FMNL3: variants seen among roughly 807,000 people sequenced by gnomAD.
FMNL3 encodes formin like 3, also known as formin-like protein 3.
In FMNL3, 57 loss-of-function variants were observed where a neutral mutation model predicts 119.6. The ratio of observed to expected loss-of-function variants is 0.48; its 90% CI spans 0.39 to 0.59. FMNL3 has a LOEUF of 0.59. FMNL3 is among the 20% of genes least tolerant of loss of function. FMNL3 has a pLI of 0.00. For missense variants in FMNL3, 1,053 were observed against 1,323.5 expected (o/e 0.80, Z 3.17); for synonymous variants, 491 against 507.3 (o/e 0.97, Z 0.43).
At chr12:49,646,567 A>G in intron 25 of FMNL3, 1 of 1,199,650 alleles carries the variant, frequency 8.3e-7, no homozygotes, top group Non-Finnish European at 1.1e-6. Context: ...GCAGGAAAGA[A>G]GGTGCCTGTG....
intron 1 of FMNL3, among the ~76,000 whole-genome samples, chr12:49,668,905 T>C (rs1943963632): frequency 6.6e-6 from 1 of 152,238 alleles, no homozygotes; most frequent in South Asian, 2.1e-4. Flanking sequence ...TATAAACAAA[T>C]ATGTCATATA....
rs541810928 is a variant in FMNL3 at position 49,638,477 on chromosome 12, C to T, written c.*7338G>A. ...GCCTTCTTGATACTGTCGCAAGTGTCAGCTGCCATTTACCATCACACATGG... is the reference window on the plus strand; with the variant it reads ...GCCTTCTTGATACTGTCGCAAGTGTTAGCTGCCATTTACCATCACACATGG... On this transcript the variant is annotated 3_prime_UTR_variant, in exon 26 of 26. Transcript: ENST00000335154. 2 of 152,346 alleles carry T rather than the reference C, an allele frequency of 1.3e-5. No homozygotes were observed. Among genetic ancestry groups the T allele is most frequent in the South Asian group, 2.1e-4 (1 of 4,832 alleles). 9.4% of individuals were successfully genotyped at this position (152,346 alleles called of 1,614,324 possible).
chr12:49,641,838 G>A lies in FMNL3; in HGVS notation c.*3977C>T. Reference sequence around the variant, plus strand: ...GGGCCTTCTTGACCATCTGTAATGTGACCACTCTGCCTGCCAGCTTTGGCC... The same window carrying A: ...GGGCCTTCTTGACCATCTGTAATGTAACCACTCTGCCTGCCAGCTTTGGCC... On this transcript the variant is annotated 3_prime_UTR_variant, in exon 26 of 26. Coordinates refer to ENST00000335154, the MANE Select transcript of FMNL3 (RefSeq NM_175736.5). The A allele has an allele frequency of 7.6e-7, 1 of 1,313,856 alleles. No homozygotes were observed. 81.4% of individuals were successfully genotyped at this position (1,313,856 alleles called of 1,614,324 possible).
Position 49,643,164 on chromosome 12 carries a change from C to A in FMNL3, c.*2651G>T. 6.3e-7 allele frequency: 1 copy of A among 1,599,590 alleles called. No homozygotes were observed. Among genetic ancestry groups the A allele is most frequent in the Non-Finnish European group, 8.6e-7 (1 of 1,169,582 alleles). On this transcript the variant is annotated 3_prime_UTR_variant, in exon 26 of 26. Transcript: ENST00000335154. ...CCTCCTCCTCTCTCGAATTCCCAGA[C>A]GAGGGCTTCTGGAGGGCAGAGAACC... is the stretch of plus-strand genomic sequence containing the variant.
chr12:49,649,243 G>T lies in FMNL3; in HGVS notation c.2385+16C>A. On this transcript the variant is annotated intron_variant, in intron 20 of 25. Transcript: ENST00000335154. The surrounding 1 kb of genome is among the most constrained non-coding windows in gnomAD (Gnocchi z 5.6). The stretch of plus-strand genomic sequence containing the variant: ...CCCCCCAGGCTTCCTGGCCCACGCT[G>T]CCCTCACCATCTTACCAGATCCAGG... 3.1e-6 allele frequency: 5 copies of T among 1,614,132 alleles called. No individual in the cohort carries two copies. Among genetic ancestry groups the T allele is most frequent in the Non-Finnish European group, 4.2e-6 (5 of 1,179,992 alleles).
At chr12:49,674,448 C>G (rs950996815) in intron 1 of FMNL3, among the ~76,000 whole-genome samples, 2 of 152,322 alleles carry the variant, frequency 1.3e-5, no homozygotes, top group Middle Eastern at 3.4e-3. Flanking sequence ...AGGCCTCCAG[C>G]CCTGGTCCTG....
chr12:49,663,485 C>T (rs1047060292), intron 4 of FMNL3, among the ~76,000 whole-genome samples: 1 of 152,240 alleles, frequency 6.6e-6, no homozygotes, highest in Non-Finnish European at 1.5e-5. Flanking sequence ...CACCCTGAAG[C>T]ACCCACAATC....
chr12:49,673,031 A>G (rs1361593852), intron 1 of FMNL3, among the ~76,000 whole-genome samples: 1 of 152,198 alleles, frequency 6.6e-6, no homozygotes, highest in African/African-American at 2.4e-5. Context: ...TGTTTTGAGC[A>G]AATACAGAAA....
Position 49,643,858 on chromosome 12 carries a change from C to A in FMNL3, c.*1957G>T. 6.2e-7 allele frequency: 1 copy of A among 1,614,160 alleles called. No individual in the cohort carries two copies. The highest frequency in any genetic ancestry group is 1.1e-5 in the South Asian group (1 of 91,080). On this transcript the variant is annotated 3_prime_UTR_variant, in exon 26 of 26. Coordinates refer to ENST00000335154, the MANE Select transcript of FMNL3 (RefSeq NM_175736.5). ...TGAGGAGGTGGGCTCTGGACTCTTA[C>A]AGAATAGTCCTGAGAGTGAGACAGA... is the stretch of plus-strand genomic sequence containing the variant.
rs1943379549 is a variant in FMNL3, at chr12:49,650,952, C to T, written c.1798-74G>A. 8.4e-6 allele frequency: 13 copies of T among 1,555,820 alleles called. No homozygotes were observed. The South Asian group carries it at 1.3e-4, about 16-fold the overall frequency. ...GAGGACCTCATGACAGCCCACCCAG[C>T]ATTGGCCCAGAGCTCTGTCACTCTG... is the stretch of plus-strand genomic sequence containing the variant. On this transcript the variant is annotated intron_variant, in intron 16 of 25. Coordinates refer to ENST00000335154, the MANE Select transcript of FMNL3 (RefSeq NM_175736.5).
intron 1 of FMNL3, among the ~76,000 whole-genome samples, chr12:49,671,931 CT>C (rs2138887383): frequency 6.6e-6 from 1 of 152,264 alleles, no homozygotes; most frequent in East Asian, 1.9e-4. Context: ...CAACTTTGGG[CT>C]CTTCAGAGTT....
chr12:49,684,527 T>C (rs1014634705), intron 1 of FMNL3, among the ~76,000 whole-genome samples: 1 of 152,192 alleles, frequency 6.6e-6, no homozygotes, highest in Non-Finnish European at 1.5e-5. Flanking sequence ...GTCTAGCTGG[T>C]TATCCTCTAG....
At chr12:49,677,639 C>T (rs186403083) in intron 1 of FMNL3, among the ~76,000 whole-genome samples, 1 of 152,140 alleles carries the variant, frequency 6.6e-6, no homozygotes, top group South Asian at 2.1e-4. Flanking sequence ...ATGTCAAGCA[C>T]AAGCTAGAAT....
rs765811170 is a variant in FMNL3, at chr12:49,652,198, G to T, written c.1338C>A (p.Asn446Lys). 4 of 1,612,554 alleles carry T rather than the reference G, an allele frequency of 2.5e-6. No homozygotes were observed. In the Admixed American group the frequency reaches 5.0e-5, roughly 20 times the overall value. ...ELESIKETYE[N>K]TSHQVHTLRR... ...GCAGGGTGTGCACCTGGTGGCTTGTGTTCTCATATGTCTCCTGGCAGGCAG... is the reference window on the plus strand; with the variant it reads ...GCAGGGTGTGCACCTGGTGGCTTGTTTTCTCATATGTCTCCTGGCAGGCAG... Residue 446 changes from asparagine to lysine, a missense_variant, in exon 14 of 26, where the codon AAC becomes AAA. By Grantham distance (94) the Asn-to-Lys change is moderately conservative. Transcript: ENST00000335154.
At chr12:49,668,385 G>C in intron 2 of FMNL3, 86 bp downstream of exon 2, 1 of 1,292,906 alleles carries the variant, frequency 7.7e-7, no homozygotes, top group Non-Finnish European at 1.1e-6. Context: ...AGGAACCCAA[G>C]GCTGCACTCA....
intron 1 of FMNL3, among the ~76,000 whole-genome samples, chr12:49,681,331 A>G (rs1944328199): frequency 6.6e-6 from 1 of 151,968 alleles, no homozygotes; most frequent in East Asian, 1.9e-4. Context: ...CTCTCTGAGT[A>G]GCTGGGACTA....
chr12:49,665,979 C>T (rs1273558622), intron 3 of FMNL3, 71 bp from the exon 4 acceptor site: 9 of 1,560,098 alleles, frequency 5.8e-6, no homozygotes, highest in Non-Finnish European at 2.7e-6. Context: ...TACTGGCCAG[C>T]CATTCCAGGC....
At position 49,643,497 on chromosome 12, in the gene FMNL3, G is replaced by T; in HGVS notation, c.*2318C>A. On this transcript the variant is annotated 3_prime_UTR_variant, in exon 26 of 26. Transcript: ENST00000335154. ...GCTCCTTTGAGGGTAGACTGGATTG[G>T]GAGGGCTGCACCTGTGGAAGTAGAA... 6.9e-7 allele frequency: 1 copy of T among 1,459,418 alleles called. No homozygotes were observed. The highest frequency in any genetic ancestry group is 2.3e-5 in the East Asian group (1 of 43,820). The allele number at this position is 1,459,418 out of a possible 1,614,324, so 90.4% of individuals were successfully genotyped here. A position where few individuals can be genotyped will look rare whatever the true frequency, so the allele number is the denominator to read the frequency against.
At chr12:49,663,253 T>G (rs988514357) in intron 4 of FMNL3, among the ~76,000 whole-genome samples, 15 of 152,308 alleles carry the variant, frequency 9.8e-5, no homozygotes, top group Non-Finnish European at 1.5e-4. Context: ...CTTGACACTT[T>G]GAGGAGAGGT....
Sources: allele counts gnomAD v4.1 joint callset (sites outside exome capture counted in the v4.1 genomes callset), GRCh38; gene constraint gnomAD v4.1.1; non-coding constraint Gnocchi (gnomAD v3.1); transcripts MANE v1.5; gene names NCBI Gene and HGNC (gene_info 2026-07-23, HGNC 2026-07-21).